PROM1: variants seen among roughly 807,000 people sequenced by gnomAD.
The protein encoded by PROM1 is prominin 1, also known as prominin-1.
PROM1 carries 105 observed loss-of-function variants against 116.9 expected under a neutral mutation model. The ratio of observed to expected loss-of-function variants is 0.90; its 90% CI spans 0.77 to 1.06. The LOEUF is 1.06. Ranked by LOEUF, PROM1 falls within the 50% of genes least tolerant of loss-of-function variation. The pLI, the probability that PROM1 is intolerant of heterozygous loss-of-function variation, is 0.00. For synonymous variants in PROM1, 393 were observed against 387.0 expected, an observed-to-expected ratio of 1.02 and a Z score of -0.18; for missense variants, 1,122 against 1,045.2, an observed-to-expected ratio of 1.07 and a Z score of -1.01.
rs764494185 is a variant in PROM1, at chr4:16,025,557, G to A, written c.510-245C>T. Among the ~76,000 whole-genome samples the A allele has an allele frequency of 3.4e-4, 52 of 152,314 alleles. No homozygotes were observed. In the Middle Eastern group the frequency reaches 0.014, roughly 40 times the overall value. ...GGCAAATTTCCATTCTGTTCAAAAT[G>A]ACTCTCGTCAATGGAACAATGTTCA... On this transcript the variant is annotated intron_variant, in intron 5 of 27. Transcript: ENST00000447510.
At chr4:16,058,509 T>A (rs1739548105) in intron 2 of PROM1, among the ~76,000 whole-genome samples, 2 of 152,036 alleles carry the variant, frequency 1.3e-5, no homozygotes, top group African/African-American at 4.8e-5. Context: ...TAGCCAGGCG[T>A]GGTGATGCAT....
At chr4:15,991,386 T>A in intron 17 of PROM1, 93 bp from the exon 18 acceptor site, 1 of 830,966 alleles carries the variant, frequency 1.2e-6, no homozygotes, top group South Asian at 2.0e-5. Flanking sequence ...CATGGATTCA[T>A]AACCATAAAG....
At chr4:16,004,836 C>CTTTTT (rs1560460117) in intron 13 of PROM1, among the ~76,000 whole-genome samples, 9 of 57,596 alleles carry the variant, frequency 1.6e-4, no homozygotes, top group African/African-American at 4.4e-4. Flanking sequence ...TCTTTTTCTT[C>CTTTTT]CTTCCTTCCT....
In PROM1 at chr4:15,981,273, A is replaced by G. The variant is rs188368403; in HGVS notation, c.2374-736T>C. Reference sequence around the variant, plus strand: ...ACCGCGCCTGGCTGAGTTGTTTGTTATTAAGATGACAAATTAGCCAGGTGC... The same window carrying G: ...ACCGCGCCTGGCTGAGTTGTTTGTTGTTAAGATGACAAATTAGCCAGGTGC... On this transcript the variant is annotated intron_variant, in intron 23 of 27. Transcript: ENST00000447510. 4.1e-3 allele frequency among the ~76,000 whole-genome samples: 590 copies of G among 145,632 alleles called. 9 individuals carry two copies. The highest frequency in any genetic ancestry group is 0.014 in the African/African-American group (546 of 40,350).
intron 15 of PROM1, among the ~76,000 whole-genome samples, chr4:15,996,512 AAAAT>A (rs34403866): frequency 0.79 from 118,799 of 149,492 alleles, 47,513 homozygotes; most frequent in Non-Finnish European, 0.85. Context: ...TCCATCTCAG[AAAAT>A]AAATAAATAA....
At chr4:16,043,815 T>A (rs2149436232) in intron 2 of PROM1, among the ~76,000 whole-genome samples, 1 of 152,336 alleles carries the variant, frequency 6.6e-6, no homozygotes, top group South Asian at 2.1e-4. Context: ...TAGCTCTGAC[T>A]GCCAGCCTCT....
chr4:16,073,110 C>T (rs771141706), intron 2 of PROM1, among the ~76,000 whole-genome samples: 5 of 152,186 alleles, frequency 3.3e-5, no homozygotes, highest in Non-Finnish European at 7.3e-5. Flanking sequence ...AACTCTTTCT[C>T]CACTGCAATT....
chr4:15,979,006 GGAAA>G (rs1716980940), intron 26 of PROM1, among the ~76,000 whole-genome samples: 1 of 98,374 alleles, frequency 1.0e-5, no homozygotes, highest in African/African-American at 4.6e-5. Flanking sequence ...AAGGAAGGAA[GGAAA>G]GAAGGAAGGA....
chr4:16,062,528 T>C (rs943040641), intron 2 of PROM1, among the ~76,000 whole-genome samples: 2 of 152,206 alleles, frequency 1.3e-5, no homozygotes. Context: ...AGGCCAGTCA[T>C]TTGAATGAAA....
chr4:16,076,054 C>T lies in PROM1; in HGVS notation c.-148G>A, dbSNP rs75531222. On this transcript the variant is annotated 5_prime_UTR_variant, in exon 2 of 28. Coordinates refer to ENST00000447510, the MANE Select transcript of PROM1 (RefSeq NM_006017.3). ...TGAATCTTCAGTTTTCTGTCTGAGGCTGGCTTGAGGCGAGGGATGCGGAAG... is the reference window on the plus strand; with the variant it reads ...TGAATCTTCAGTTTTCTGTCTGAGGTTGGCTTGAGGCGAGGGATGCGGAAG... 1.3e-4 allele frequency: 179 copies of T among 1,426,112 alleles called. 1 individual carries two copies. In the East Asian group the frequency reaches 4.5e-3, roughly 36 times the overall value. The allele number at this position is 1,426,112 out of a possible 1,614,324, so 88.3% of individuals were successfully genotyped here.
At chr4:16,012,890 AAC>A (rs1553908475) in intron 11 of PROM1, among the ~76,000 whole-genome samples, 1 of 149,612 alleles carries the variant, frequency 6.7e-6, no homozygotes, top group African/African-American at 2.5e-5. Flanking sequence ...AAAAAAAAAA[AAC>A]AACAAACTTT....
intron 2 of PROM1, 48 bp downstream of exon 2, chr4:16,075,638 TG>T: frequency 6.6e-7 from 1 of 1,505,468 alleles, no homozygotes; most frequent in Non-Finnish European, 9.1e-7. Flanking sequence ...AACAATATTG[TG>T]GGTGCGTTTG....
chr4:15,983,923 T>C (rs1412537461), intron 23 of PROM1, among the ~76,000 whole-genome samples: 2 of 152,204 alleles, frequency 1.3e-5, no homozygotes, highest in African/African-American at 4.8e-5. Flanking sequence ...TGAAATTTGA[T>C]GCAACTTTGG....
At chr4:16,012,870 CAA>C (rs71179681) in intron 11 of PROM1, among the ~76,000 whole-genome samples, 54 of 84,234 alleles carry the variant, frequency 6.4e-4, no homozygotes, top group South Asian at 3.8e-3. Flanking sequence ...GACTCTGTCT[CAA>C]AAAAAAAAAA....
intron 10 of PROM1, among the ~76,000 whole-genome samples, 170 bp from the exon 11 acceptor site, chr4:16,013,508 T>G (rs955152169): frequency 2.4e-4 from 36 of 152,198 alleles, no homozygotes; most frequent in African/African-American, 7.5e-4. Context: ...AAAATCCCCT[T>G]TAGAGAGCAT....
At position 15,968,904 on chromosome 4, in the gene PROM1, A is replaced by C. The variant is rs901118045; in HGVS notation, c.*489T>G. 6.6e-6 allele frequency: 1 copy of C among 152,252 alleles called. No individual in the cohort carries two copies. The highest frequency in any genetic ancestry group is 6.5e-5 in the Admixed American group (1 of 15,288). 9.4% of individuals were successfully genotyped at this position (152,252 alleles called of 1,614,324 possible). On this transcript the variant is annotated 3_prime_UTR_variant, in exon 28 of 28. Coordinates refer to ENST00000447510, the MANE Select transcript of PROM1 (RefSeq NM_006017.3). ...TTTAGCTCATTTAGAAGAAAGTCCT[A>C]TAATACTCATTTGTTTAAAAAACTC...
At chr4:16,049,175 G>A (rs973328429) in intron 2 of PROM1, among the ~76,000 whole-genome samples, 8 of 152,264 alleles carry the variant, frequency 5.3e-5, no homozygotes, top group African/African-American at 1.7e-4. Context: ...TTCCTGGAAA[G>A]CATAATTCCA....
intron 6 of PROM1, among the ~76,000 whole-genome samples, chr4:16,024,949 T>G (rs41268371): frequency 2.0e-3 from 311 of 152,342 alleles, no homozygotes; most frequent in Middle Eastern, 0.01. Flanking sequence ...TTCTATAATA[T>G]GTACTGTAAT....
chr4:15,988,605 T>G (rs1720110444), intron 19 of PROM1, among the ~76,000 whole-genome samples: 1 of 152,202 alleles, frequency 6.6e-6, no homozygotes, highest in African/African-American at 2.4e-5. Flanking sequence ...ACCCCTGGTT[T>G]AGATCATAGG....
Sources: allele counts gnomAD v4.1 joint callset (sites outside exome capture counted in the v4.1 genomes callset), GRCh38; gene constraint gnomAD v4.1.1; transcripts MANE v1.5; gene names NCBI Gene and HGNC (gene_info 2026-07-23, HGNC 2026-07-21).